The following MAK variants were observed in gnomAD, a reference collection of about 807,000 sequenced individuals.
The protein encoded by MAK is serine/threonine-protein kinase MAK.
MAK carries 65 observed loss-of-function variants against 82.6 expected under a neutral mutation model. The ratio of observed to expected loss-of-function variants is 0.79; its 90% CI spans 0.64 to 0.97. MAK has a LOEUF of 0.97. Among genes scored for constraint, MAK ranks in the 50% least tolerant of loss-of-function variants. The probability of loss-of-function intolerance (pLI) is 0.00; values close to 1 mark genes in which losing one functional copy is unlikely to be tolerated. For missense variants in MAK, 703 were observed against 780.2 expected (o/e 0.90, Z 1.18); for synonymous variants, 250 against 274.2 (o/e 0.91, Z 0.87).
chr6:10,785,286 C>A (rs1363885449), intron 10 of MAK, among the ~76,000 whole-genome samples: 1 of 152,178 alleles, frequency 6.6e-6, no homozygotes, highest in African/African-American at 2.4e-5. Flanking sequence ...GACCAGGCAG[C>A]AGTGCGTGAG....
At chr6:10,808,726 A>G in intron 6 of MAK, 84 bp downstream of exon 6, 1 of 1,306,434 alleles carries the variant, frequency 7.7e-7, no homozygotes, top group Non-Finnish European at 1.1e-6. Flanking sequence ...TCAATATGGA[A>G]CTTCCAGAAA....
At chr6:10,791,928 A>T in intron 9 of MAK, 81 bp from the exon 10 acceptor site, 1 of 1,412,576 alleles carries the variant, frequency 7.1e-7, no homozygotes, top group Non-Finnish European at 1.0e-6. Flanking sequence ...TATGTAAGAC[A>T]CTAACAGTCC....
rs536836724 is a variant in MAK at position 10,822,239 on chromosome 6, C to T, written c.102-3299G>A. Among the ~76,000 whole-genome samples the T allele has an allele frequency of 7.3e-5, 11 of 151,430 alleles. No homozygotes were observed. In the South Asian group the frequency reaches 1.3e-3, roughly 17 times the overall value. On this transcript the variant is annotated intron_variant, in intron 2 of 14. Coordinates refer to ENST00000354489, the MANE Select transcript of MAK (RefSeq NM_001242957.3). The stretch of plus-strand genomic sequence containing the variant: ...GAAGCTGAGGCAGGTGGATCACCTG[C>T]GGCCAGGAGTTCAAGACCAGTCTAA...
chr6:10,830,832 T>C lies in MAK; in HGVS notation c.-184A>G. On this transcript the variant is annotated 5_prime_UTR_variant, in exon 2 of 15. It removes an upstream start codon present in the reference 5' UTR. Transcript: ENST00000354489. ...TTACAGAGGTTCATGAGATATAGCA[T>C]GAAGGAATCGGGCAAGGAAACAACA... 2 of 640,044 alleles carry C rather than the reference T, an allele frequency of 3.1e-6. No individual in the cohort carries two copies. Among genetic ancestry groups the C allele is most frequent in the South Asian group, 3.4e-5 (2 of 59,674 alleles). The allele number at this position is 640,044 out of a possible 1,614,324, so 39.6% of individuals were successfully genotyped here. A position where few individuals can be genotyped will look rare whatever the true frequency, so the allele number is the denominator to read the frequency against.
rs1032716561 is a variant in MAK at position 10,826,822 on chromosome 6, G to A, written c.101+3726C>T. ...AGCTTTTGCTTTCCCAATTAAAAGA[G>A]TACAGTAGGCCGGGCACGGTGGCTC... On this transcript the variant is annotated intron_variant, in intron 2 of 14. Coordinates refer to ENST00000354489, the MANE Select transcript of MAK (RefSeq NM_001242957.3). Among the ~76,000 whole-genome samples the A allele has an allele frequency of 3.3e-5, 5 of 152,140 alleles. No individual in the cohort carries two copies. The East Asian group carries it at 9.6e-4, about 29-fold the overall frequency.
At chr6:10,808,750 A>G (rs943650958) in intron 6 of MAK, 60 bp downstream of exon 6, 11 of 1,519,444 alleles carry the variant, frequency 7.2e-6, no homozygotes, top group Non-Finnish European at 9.1e-6. Context: ...GTAACAATCC[A>G]TCGTAGGAAA....
chr6:10,819,225 G>A (rs1272769718), intron 2 of MAK, among the ~76,000 whole-genome samples: 1 of 152,052 alleles, frequency 6.6e-6, no homozygotes, highest in Non-Finnish European at 1.5e-5. Flanking sequence ...TTTCTTAAAG[G>A]GTCCTTTTCA....
chr6:10,770,597 A>G (rs555989521), intron 13 of MAK, among the ~76,000 whole-genome samples: 41 of 152,164 alleles, frequency 2.7e-4, no homozygotes, highest in African/African-American at 9.4e-4. Context: ...CGAAGCCCCT[A>G]TCTCTGAAGT....
intron 2 of MAK, among the ~76,000 whole-genome samples, chr6:10,826,880 G>C (rs1445091887): frequency 1.3e-5 from 2 of 152,182 alleles, no homozygotes; most frequent in African/African-American, 4.8e-5. Context: ...GGGAGGCTGA[G>C]ACTGGTGGAT....
chr6:10,829,543 G>A (rs1463161798), intron 2 of MAK, among the ~76,000 whole-genome samples: 1 of 152,096 alleles, frequency 6.6e-6, no homozygotes, highest in Non-Finnish European at 1.5e-5. Flanking sequence ...GCCAGCCTGG[G>A]CAACAGAGTG....
Position 10,784,417 on chromosome 6 carries a change from T to C in MAK, c.1465+7A>G, listed in dbSNP as rs747105162. ...TTAGCAGCAAACATTTTCTTTGCTCTACTTACCTGGAAGATATCTTGATTG... is the reference window on the plus strand; with the variant it reads ...TTAGCAGCAAACATTTTCTTTGCTCCACTTACCTGGAAGATATCTTGATTG... On this transcript the variant is annotated splice_region_variant and intron_variant, in intron 11 of 14. Coordinates refer to ENST00000354489, the MANE Select transcript of MAK (RefSeq NM_001242957.3). 8.1e-6 allele frequency: 13 copies of C among 1,614,058 alleles called. No individual in the cohort carries two copies. The highest frequency in any genetic ancestry group is 1.7e-5 in the Admixed American group (1 of 60,000).
intron 7 of MAK, among the ~76,000 whole-genome samples, chr6:10,803,181 T>C (rs1447243456): frequency 6.6e-6 from 1 of 152,166 alleles, no homozygotes; most frequent in Non-Finnish European, 1.5e-5. Context: ...GGCAAGCACC[T>C]GTTTTTCTTC....
At chr6:10,809,836 A>C (rs1249454221) in intron 5 of MAK, among the ~76,000 whole-genome samples, 1 of 152,200 alleles carries the variant, frequency 6.6e-6, no homozygotes, top group East Asian at 1.9e-4. Context: ...GTGGTGGCTC[A>C]CGCCTATAAT....
At chr6:10,815,932 AT>A (rs1561991800) in intron 4 of MAK, among the ~76,000 whole-genome samples, 18 of 133,180 alleles carry the variant, frequency 1.4e-4, no homozygotes, top group African/African-American at 6.3e-4. Context: ...ATATATATAT[AT>A]ATATATATAT....
chr6:10,789,946 C>T (rs1057260877), intron 10 of MAK, among the ~76,000 whole-genome samples: 1 of 152,128 alleles, frequency 6.6e-6, no homozygotes, highest in Non-Finnish European at 1.5e-5. Flanking sequence ...ATTGAGCCTC[C>T]GCACCCAGCC....
At chr6:10,813,124 ATATATATATAAATTTTT>A (rs1561987465) in intron 5 of MAK, among the ~76,000 whole-genome samples, 38 of 816 alleles carry the variant, frequency 0.047, 3 homozygotes, top group Non-Finnish European at 0.08. Flanking sequence ...ATATATATAT[ATATATATATAAATTTTT>A]TTTTTTTTTT....
At chr6:10,788,671 G>C (rs1774805826) in intron 10 of MAK, among the ~76,000 whole-genome samples, 1 of 152,098 alleles carries the variant, frequency 6.6e-6, no homozygotes, top group Non-Finnish European at 1.5e-5. Flanking sequence ...TGGAGGCAGA[G>C]GTTGCAGTGA....
intron 1 of MAK, among the ~76,000 whole-genome samples, chr6:10,837,376 T>C (rs998164185): frequency 6.6e-6 from 1 of 152,200 alleles, no homozygotes; most frequent in South Asian, 2.1e-4. Flanking sequence ...TTTCAAAGCT[T>C]ATACACAAAA....
At chr6:10,765,746 A>G (rs1226250717) in intron 14 of MAK, among the ~76,000 whole-genome samples, 2 of 152,098 alleles carry the variant, frequency 1.3e-5, no homozygotes, top group African/African-American at 4.8e-5. Flanking sequence ...TCAGCCTCCC[A>G]AAGTGCTAGG....
Sources: allele counts gnomAD v4.1 joint callset (sites outside exome capture counted in the v4.1 genomes callset), GRCh38; gene constraint gnomAD v4.1.1; transcripts MANE v1.5; gene names NCBI Gene and HGNC (gene_info 2026-07-23, HGNC 2026-07-21).